The following ZNF10 variants were observed in gnomAD, a reference collection of about 807,000 sequenced individuals.
ZNF10 encodes zinc finger protein 10 (KOX 1).
In ZNF10, 8 loss-of-function variants were observed where a neutral mutation model predicts 12.2. That is an observed-to-expected ratio of 0.66 (90% CI 0.39 to 1.18). The LOEUF is 1.18. Ranked by LOEUF, ZNF10 falls within the 50% of genes most tolerant of loss-of-function variation. ZNF10 has a pLI of 0.01. For synonymous variants in ZNF10, 229 were observed against 228.2 expected, an observed-to-expected ratio of 1.00 and a Z score of -0.03; for missense variants, 603 against 678.9, an observed-to-expected ratio of 0.89 and a Z score of 1.24.
At position 133,144,946 on chromosome 12, in the gene ZNF10, G is replaced by A. The variant is rs1392144068; in HGVS notation, c.33+421G>A. On this transcript the variant is annotated intron_variant, in intron 2 of 4. Coordinates refer to ENST00000248211, the MANE Select transcript of ZNF10 (RefSeq NM_015394.5). ...CACCCAGGCTAGAGTCCAGTGGCGCGATCTCAGCTCACTGCAACCTCCACC... is the reference window on the plus strand; with the variant it reads ...CACCCAGGCTAGAGTCCAGTGGCGCAATCTCAGCTCACTGCAACCTCCACC... 6 of 421,882 alleles carry A rather than the reference G, an allele frequency of 1.4e-5. No homozygotes were observed. In the East Asian group the frequency reaches 2.3e-4, roughly 16 times the overall value. The allele number at this position is 421,882 out of a possible 1,614,324, so 26.1% of individuals were successfully genotyped here.
rs1231370725 is a variant in ZNF10 at position 133,156,316 on chromosome 12, C to G, written c.1070C>G (p.Ser357Cys). 6.2e-7 allele frequency: 1 copy of G among 1,613,982 alleles called. No individual in the cohort carries two copies. Among genetic ancestry groups the G allele is most frequent in the Non-Finnish European group, 8.5e-7 (1 of 1,180,024 alleles). The change falls in exon 5 of 5, where the codon TCT becomes TGT. Residue 357 changes from serine to cysteine, a missense_variant. By Grantham distance (112) the Ser-to-Cys change is moderately radical (BLOSUM62 -1). Transcript: ENST00000248211. ...TACACATGTAATCAGTGTGGGAAAT[C>G]TTTTGTTCATAGCTCTAGGCTTATT... ...KLYTCNQCGK[S>C]FVHSSRLIRH...
At position 133,156,237 on chromosome 12, in the gene ZNF10, A is replaced by C. The variant is rs1956040542; in HGVS notation, c.991A>C (p.Ser331Arg). ...ATGTAAAGAATGTGGAAAATCCTTCAGCTGGTTCTCTCACCTTGTTACTCA... is the reference window on the plus strand; with the variant it reads ...ATGTAAAGAATGTGGAAAATCCTTCCGCTGGTTCTCTCACCTTGTTACTCA... ...YECKECGKSF[S>R]WFSHLVTHQR... Residue 331 changes from serine (S) to arginine (R), a missense_variant, in exon 5 of 5, where the codon AGC becomes CGC. Physicochemically the swap from Ser to Arg is moderately radical, Grantham distance 110 (BLOSUM62 -1). Around this residue, in one of 3 missense-constraint regions of ZNF10, gnomAD observed 393 missense variants for 399.7 expected, o/e 0.98. Coordinates refer to ENST00000248211, the MANE Select transcript of ZNF10 (RefSeq NM_015394.5). 1 of 1,614,142 alleles carries C rather than the reference A, an allele frequency of 6.2e-7. No individual in the cohort carries two copies. Among genetic ancestry groups the C allele is most frequent in the Non-Finnish European group, 8.5e-7 (1 of 1,180,012 alleles).
rs1201743372 is a variant in ZNF10 at position 133,156,642 on chromosome 12, T to C, written c.1396T>C (p.Cys466Arg). The change falls in exon 5 of 5, where the codon TGT becomes CGT. Residue 466 changes from cysteine to arginine, a missense_variant. By Grantham distance (180) the Cys-to-Arg change is radical. This residue lies in a region of ZNF10 where 204 missense variants were observed against 262.8 expected (regional missense o/e 0.78). Coordinates refer to ENST00000248211, the MANE Select transcript of ZNF10 (RefSeq NM_015394.5). ...AGAGAAACCATATGAGTGTCATGAT[T>C]GTGGAAAATCTTTCAGCCAGAGTTC... Reference protein sequence around the residue: ...TGEKPYECHDCGKSFSQSSAL... With the variant: ...TGEKPYECHDRGKSFSQSSAL... 6.2e-7 allele frequency: 1 copy of C among 1,614,148 alleles called. No individual in the cohort carries two copies. The highest frequency in any genetic ancestry group is 1.7e-5 in the Admixed American group (1 of 60,022).
chr12:133,133,323 C>T (rs576408672), intron 1 of ZNF10, among the ~76,000 whole-genome samples: 2 of 152,172 alleles, frequency 1.3e-5, no homozygotes, highest in Admixed American at 6.5e-5. Flanking sequence ...AACATGTACT[C>T]CATGTCCCCA....
chr12:133,149,764 T>C lies in ZNF10; in HGVS notation c.34-1264T>C, dbSNP rs188302456. Reference sequence around the variant, plus strand: ...AATACAATTGGATTTAAGTGTGTTATTTTATTATATGTTCTCTGTATATCT... The same window carrying C: ...AATACAATTGGATTTAAGTGTGTTACTTTATTATATGTTCTCTGTATATCT... On this transcript the variant is annotated intron_variant, in intron 2 of 4. Transcript: ENST00000248211. 9.2e-5 allele frequency among the ~76,000 whole-genome samples: 14 copies of C among 152,290 alleles called. No homozygotes were observed. The South Asian group carries it at 2.9e-3, about 32-fold the overall frequency.
chr12:133,146,812 C>CGG (rs1955978763), intron 2 of ZNF10, among the ~76,000 whole-genome samples: 1 of 152,034 alleles, frequency 6.6e-6, no homozygotes, highest in Admixed American at 6.6e-5. Context: ...TGCCACTTCA[C>CGG]TCTACCCTAG....
intron 2 of ZNF10, among the ~76,000 whole-genome samples, chr12:133,147,608 G>GT (rs149592494): frequency 0.34 from 39,503 of 117,078 alleles, 7,566 homozygotes; most frequent in African/African-American, 0.5. Context: ...TGTTTTCTGA[G>GT]TTTTTTTTTT....
At chr12:133,149,213 T>C (rs563593888) in intron 2 of ZNF10, among the ~76,000 whole-genome samples, 1 of 151,720 alleles carries the variant, frequency 6.6e-6, no homozygotes, top group Non-Finnish European at 1.5e-5. Flanking sequence ...CTCCCACCTG[T>C]CTCCCCAGTA....
Position 133,143,117 on chromosome 12 carries a change from T to TA in ZNF10, c.-59-1316dup, listed in dbSNP as rs556785862. ...AGGGCAAATATTGTATGATTCCACTTACATGACCTAAGTAGAACAGGCAAA... is the reference window on the plus strand; with the variant it reads ...AGGGCAAATATTGTATGATTCCACTTAACATGACCTAAGTAGAACAGGCAAA... On this transcript the variant is annotated intron_variant, in intron 1 of 4. Transcript: ENST00000248211. 2.4e-3 allele frequency among the ~76,000 whole-genome samples: 367 copies of TA among 152,322 alleles called. 1 individual carries two copies. The Middle Eastern group carries it at 0.048, about 20-fold the overall frequency.
chr12:133,156,416 A>C lies in ZNF10; in HGVS notation c.1170A>C (p.Thr390=). 6.2e-7 allele frequency: 1 copy of C among 1,613,748 alleles called. No homozygotes were observed. Among genetic ancestry groups the C allele is most frequent in the Non-Finnish European group, 8.5e-7 (1 of 1,179,842 alleles). The change falls in exon 5 of 5, where the codon ACA becomes ACC. Residue 390 remains threonine, a synonymous_variant. Coordinates refer to ENST00000248211, the MANE Select transcript of ZNF10 (RefSeq NM_015394.5). Reference sequence around the variant, plus strand: ...GTGGGAAATCTTTCAGACAGAGCACACATCTCATTCTGCATCAGAGAACCC... The same window carrying C: ...GTGGGAAATCTTTCAGACAGAGCACCCATCTCATTCTGCATCAGAGAACCC... ...PECGKSFRQS[T]HLILHQRTHV... is the part of the protein sequence containing the mutation.
intron 1 of ZNF10, among the ~76,000 whole-genome samples, chr12:133,142,410 C>CAAAAAAA (rs370374280): frequency 1.7e-4 from 18 of 108,614 alleles, no homozygotes; most frequent in African/African-American, 4.1e-4. Flanking sequence ...ACTCCGTCTC[C>CAAAAAAA]AAAAAAAAAA....
chr12:133,140,446 T>TA (rs1555299094), intron 1 of ZNF10, among the ~76,000 whole-genome samples: 24,711 of 146,468 alleles, frequency 0.17, 2,883 homozygotes, highest in Non-Finnish European at 0.25. Context: ...TTTTTTTTTT[T>TA]AAATAAGTCT....
Position 133,151,153 on chromosome 12 carries a change from G to A in ZNF10, c.159G>A (p.Leu53=), listed in dbSNP as rs1956004378. 9.3e-6 allele frequency: 15 copies of A among 1,611,550 alleles called. 1 individual carries two copies. Among genetic ancestry groups the A allele is most frequent in the Non-Finnish European group, 1.3e-5 (15 of 1,178,482 alleles). The change falls in exon 3 of 5, where the codon TTG becomes TTA. Residue 53 remains leucine (L), a splice_region_variant and synonymous_variant. Transcript: ENST00000248211. ...AGAACTATAAGAACCTGGTTTCCTT[G>A]GGTAAGACTAGCTCTGTTTTTGAAG... ...MLENYKNLVS[L]GYQLTKPDVI...
chr12:133,133,480 G>A (rs1299291387), intron 1 of ZNF10, among the ~76,000 whole-genome samples: 1 of 152,220 alleles, frequency 6.6e-6, no homozygotes, highest in Non-Finnish European at 1.5e-5. Flanking sequence ...TAATTCTTAA[G>A]TGGTTCACTA....
At chr12:133,140,046 T>C (rs1955935202) in intron 1 of ZNF10, among the ~76,000 whole-genome samples, 1 of 150,950 alleles carries the variant, frequency 6.6e-6, no homozygotes, top group Non-Finnish European at 1.5e-5. Context: ...TCTACAAAAA[T>C]TTAAAGATTA....
rs906049062 is a variant in ZNF10, at chr12:133,156,697, C to T, written c.1451C>T (p.Thr484Ile). Residue 484 changes from threonine to isoleucine, a missense_variant, in exon 5 of 5, where the codon ACT becomes ATT. By Grantham distance (89) the Thr-to-Ile change is moderately conservative. Around this residue, in one of 3 missense-constraint regions of ZNF10, gnomAD observed 204 missense variants for 262.8 expected, o/e 0.78. Coordinates refer to ENST00000248211, the MANE Select transcript of ZNF10 (RefSeq NM_015394.5). ...CTTATTGTGCATCAGAGGATACACA[C>T]TGGAGAGAAACCATATGAATGCTGT... ...SALIVHQRIH[T>I]GEKPYECCQC... 1 of 1,614,018 alleles carries T rather than the reference C, an allele frequency of 6.2e-7. No homozygotes were observed. Among genetic ancestry groups the T allele is most frequent in the East Asian group, 2.2e-5 (1 of 44,878 alleles).
chr12:133,146,200 C>T (rs1955974972), intron 2 of ZNF10, among the ~76,000 whole-genome samples: 1 of 152,210 alleles, frequency 6.6e-6, no homozygotes, highest in Non-Finnish European at 1.5e-5. Flanking sequence ...ACCAGACTTG[C>T]AGTTCACAGA....
intron 1 of ZNF10, among the ~76,000 whole-genome samples, chr12:133,142,056 G>T (rs1458569745): frequency 6.6e-6 from 1 of 152,142 alleles, no homozygotes; most frequent in Non-Finnish European, 1.5e-5. Flanking sequence ...AAAAATAACT[G>T]TCTACCTATT....
intron 4 of ZNF10, among the ~76,000 whole-genome samples, chr12:133,153,834 C>T (rs916590212): frequency 2.6e-5 from 4 of 152,178 alleles, no homozygotes; most frequent in East Asian, 1.9e-4. Flanking sequence ...GGCTCTGCTA[C>T]GCTTCTAGGA....
Sources: allele counts gnomAD v4.1 joint callset (sites outside exome capture counted in the v4.1 genomes callset), GRCh38; gene constraint gnomAD v4.1.1; regional missense constraint gnomAD v4.1.1; transcripts MANE v1.5; gene names NCBI Gene and HGNC (gene_info 2026-07-23, HGNC 2026-07-21).